GRIA2: variants seen among roughly 807,000 people sequenced by gnomAD.
GRIA2 encodes glutamate receptor 2.
A neutral mutation model predicts 97.3 loss-of-function variants in GRIA2; 14 were observed. That is an observed-to-expected ratio of 0.14 (90% confidence interval 0.10 to 0.23). The LOEUF is 0.23. Among genes scored for constraint, GRIA2 ranks in the 10% least tolerant of loss-of-function variants. The pLI, the probability that GRIA2 is intolerant of heterozygous loss-of-function variation, is 1.00. For synonymous variants in GRIA2, 412 were observed against 387.8 expected, an observed-to-expected ratio of 1.06 and a Z score of -0.73; for missense variants, 558 against 1,069.8, an observed-to-expected ratio of 0.52 and a Z score of 6.67.
chr4:157,222,253 G>T (rs1182157791), intron 2 of GRIA2, among the ~76,000 whole-genome samples: 1 of 152,204 alleles, frequency 6.6e-6, no homozygotes, highest in Admixed American at 6.5e-5. Flanking sequence ...CCGGAGCCCA[G>T]TGGCCTCCTG....
chr4:157,226,987 T>G (rs554805769), intron 2 of GRIA2, among the ~76,000 whole-genome samples: 4 of 152,182 alleles, frequency 2.6e-5, no homozygotes, highest in Non-Finnish European at 4.4e-5. Flanking sequence ...AATTTCATAC[T>G]TCACTTATCA....
intron 2 of GRIA2, among the ~76,000 whole-genome samples, chr4:157,248,601 ATG>A (rs1730861401): frequency 4.5e-4 from 1 of 2,240 alleles, no homozygotes; most frequent in African/African-American, 1.6e-3. Flanking sequence ...ATGTATATAT[ATG>A]TATATATACA....
chr4:157,233,176 AAAG>A (rs1034683752), intron 2 of GRIA2, among the ~76,000 whole-genome samples: 1 of 152,184 alleles, frequency 6.6e-6, no homozygotes, highest in African/African-American at 2.4e-5. Context: ...TTTCGGTGAC[AAAG>A]AAGAGACTAA....
chr4:157,345,338 G>A (rs1735721192), intron 12 of GRIA2, among the ~76,000 whole-genome samples: 1 of 151,756 alleles, frequency 6.6e-6, no homozygotes, highest in African/African-American at 2.4e-5. Context: ...TTCATTTTCT[G>A]CAGTTTTCTG....
intron 2 of GRIA2, among the ~76,000 whole-genome samples, chr4:157,288,214 T>C (rs1290149850): frequency 6.6e-6 from 1 of 151,652 alleles, no homozygotes; most frequent in Non-Finnish European, 1.5e-5. Context: ...TCACCAATAA[T>C]TGAATCTCTA....
Position 157,341,506 on chromosome 4 carries a change from T to C in GRIA2, c.2043+44T>C, listed in dbSNP as rs550423114. 16 of 1,334,578 alleles carry C rather than the reference T, an allele frequency of 1.2e-5. No homozygotes were observed. The South Asian group carries it at 1.8e-4, about 15-fold the overall frequency. The allele number at this position is 1,334,578 out of a possible 1,614,324, so 82.7% of individuals were successfully genotyped here. ...TAGTTTCTGATTTTGTTCCTGAAATTTAACCTATTTAAACTTTGTTTCCCT... is the reference window on the plus strand; with the variant it reads ...TAGTTTCTGATTTTGTTCCTGAAATCTAACCTATTTAAACTTTGTTTCCCT... On this transcript the variant is annotated intron_variant, in intron 12 of 15. Coordinates refer to ENST00000264426, the MANE Select transcript of GRIA2 (RefSeq NM_001083619.3).
rs1734144787 is a variant in GRIA2 at position 157,312,865 on chromosome 4, T to C, written c.656T>C (p.Ile219Thr). ...TGTGAAAGGGATAAAGTAAACGACA[T>C]TGTAGACCAGGTTTGCTACTTTCTG... ...LDCERDKVND[I>T]VDQVITIGKH... Residue 219 changes from isoleucine to threonine, a missense_variant, in exon 4 of 16, where the codon ATT becomes ACT. By Grantham distance (89) the Ile-to-Thr change is moderately conservative. Coordinates refer to ENST00000264426, the MANE Select transcript of GRIA2 (RefSeq NM_001083619.3). 2 of 1,580,796 alleles carry C rather than the reference T, an allele frequency of 1.3e-6. No individual in the cohort carries two copies. The highest frequency in any genetic ancestry group is 1.7e-6 in the Non-Finnish European group (2 of 1,161,506).
chr4:157,275,708 G>A (rs1352442403), intron 2 of GRIA2, among the ~76,000 whole-genome samples: 2 of 151,994 alleles, frequency 1.3e-5, no homozygotes, highest in African/African-American at 4.8e-5. Flanking sequence ...TGAGGGCTTT[G>A]TTCTGTTCCA....
At chr4:157,273,479 G>T in intron 2 of GRIA2, among the ~76,000 whole-genome samples, 1 of 151,990 alleles carries the variant, frequency 6.6e-6, no homozygotes, top group Non-Finnish European at 1.5e-5. Flanking sequence ...GGCTTCAATG[G>T]CAAAAGTAAA....
At chr4:157,273,100 A>G (rs1427236101) in intron 2 of GRIA2, among the ~76,000 whole-genome samples, 1 of 152,112 alleles carries the variant, frequency 6.6e-6, no homozygotes, top group Non-Finnish European at 1.5e-5. Flanking sequence ...ATATACTATA[A>G]GAAATATTTA....
Position 157,303,639 on chromosome 4 carries a change from C to T in GRIA2, c.317C>T (p.Thr106Ile). 1 of 1,614,002 alleles carries T rather than the reference C, an allele frequency of 6.2e-7. No homozygotes were observed. Among genetic ancestry groups the T allele is most frequent in the South Asian group, 1.1e-5 (1 of 91,082 alleles). The part of the protein sequence containing the change: ...SVNTITSFCG[T>I]LHVSFITPSF... ...AATACCATCACATCATTTTGCGGAA[C>T]ACTCCACGTCTCCTTCATCACTCCC... Residue 106 changes from threonine (T) to isoleucine (I), a missense_variant, in exon 3 of 16, where the codon ACA becomes ATA. By Grantham distance (89) the Thr-to-Ile change is moderately conservative. Transcript: ENST00000264426.
chr4:157,262,747 T>G (rs1457069745), intron 2 of GRIA2, among the ~76,000 whole-genome samples: 1 of 151,978 alleles, frequency 6.6e-6, no homozygotes, highest in African/African-American at 2.4e-5. Context: ...TTAGCTCAAT[T>G]TCCCTCTCTC....
At chr4:157,338,012 A>ATGTG (rs1735370535) in intron 11 of GRIA2, among the ~76,000 whole-genome samples, 1 of 4,412 alleles carries the variant, frequency 2.3e-4, no homozygotes, top group African/African-American at 5.4e-4. Flanking sequence ...ATATGTGTAT[A>ATGTG]TATATATATA....
chr4:157,288,414 T>G (rs1732945300), intron 2 of GRIA2, among the ~76,000 whole-genome samples: 1 of 151,680 alleles, frequency 6.6e-6, no homozygotes, highest in Non-Finnish European at 1.5e-5. Flanking sequence ...GGCCTCGGGT[T>G]ACTCGATCTC....
chr4:157,340,566 C>T (rs1203977014), intron 11 of GRIA2, among the ~76,000 whole-genome samples: 3 of 151,638 alleles, frequency 2.0e-5, no homozygotes, highest in Admixed American at 2.0e-4. Flanking sequence ...AATTTGTTTT[C>T]TTTGAGTTTT....
intron 15 of GRIA2, 65 bp downstream of exon 15, chr4:157,363,112 C>T: frequency 2.7e-6 from 4 of 1,486,594 alleles, no homozygotes; most frequent in Non-Finnish European, 3.6e-6. Context: ...CGTCCTTAAG[C>T]TCTTTTAAAT....
intron 11 of GRIA2, among the ~76,000 whole-genome samples, chr4:157,337,744 G>A (rs139481390): frequency 2.6e-5 from 4 of 151,410 alleles, no homozygotes; most frequent in Non-Finnish European, 5.9e-5. Flanking sequence ...TCAAAGATTT[G>A]CATCTTTTGC....
At chr4:157,262,726 T>C (rs528373328) in intron 2 of GRIA2, among the ~76,000 whole-genome samples, 8 of 152,192 alleles carry the variant, frequency 5.3e-5, no homozygotes, top group African/African-American at 1.9e-4. Flanking sequence ...AGAGACACAG[T>C]GTACTCCTTT....
At chr4:157,266,751 C>T (rs1156724584) in intron 2 of GRIA2, among the ~76,000 whole-genome samples, 5 of 151,960 alleles carry the variant, frequency 3.3e-5, no homozygotes, top group African/African-American at 1.2e-4. Flanking sequence ...GAGACTCGAA[C>T]AAGAGAAGGA....
Sources: allele counts gnomAD v4.1 joint callset (sites outside exome capture counted in the v4.1 genomes callset), GRCh38; gene constraint gnomAD v4.1.1; transcripts MANE v1.5; gene names NCBI Gene and HGNC (gene_info 2026-07-23, HGNC 2026-07-21).